Variants in CACNB2 observed in about 807,000 individuals in gnomAD.
CACNB2 encodes voltage-dependent L-type calcium channel subunit beta-2.
Under a neutral mutation model 73.3 loss-of-function variants are expected in CACNB2, and 42 were observed. That is an observed-to-expected ratio of 0.57 (90% confidence interval 0.45 to 0.74). CACNB2 has a LOEUF of 0.74. Among genes scored for constraint, CACNB2 ranks in the 30% least tolerant of loss-of-function variants. The pLI, the probability that CACNB2 is intolerant of heterozygous loss-of-function variation, is 0.00. For missense variants in CACNB2, 940 were observed against 853.0 expected, an observed-to-expected ratio of 1.10 and a Z score of -1.27; for synonymous variants, 348 against 310.3, an observed-to-expected ratio of 1.12 and a Z score of -1.28.
chr10:18,381,623 G>T (rs1291156568), intron 2 of CACNB2, among the ~76,000 whole-genome samples: 1 of 150,180 alleles, frequency 6.7e-6, no homozygotes, highest in African/African-American at 2.5e-5. Flanking sequence ...GGGAGGTGGA[G>T]GTTGCAGTGA....
At chr10:18,354,052 T>C (rs1440612389) in intron 2 of CACNB2, among the ~76,000 whole-genome samples, 1 of 152,184 alleles carries the variant, frequency 6.6e-6, no homozygotes, top group Non-Finnish European at 1.5e-5. Context: ...CAAAAAACTA[T>C]AGTAGGCCTT....
intron 1 of CACNB2, among the ~76,000 whole-genome samples, chr10:18,149,851 C>A (rs1332708825): frequency 2.0e-5 from 3 of 152,144 alleles, no homozygotes; most frequent in African/African-American, 7.2e-5. Flanking sequence ...TGAGTCCTTA[C>A]CATGTGTTAG....
intron 2 of CACNB2, among the ~76,000 whole-genome samples, chr10:18,325,730 C>T (rs2040565757): frequency 7.6e-6 from 1 of 131,990 alleles, no homozygotes; most frequent in African/African-American, 2.9e-5. Context: ...CTCTCTTTCC[C>T]TTTCCCCTTC....
In CACNB2 at chr10:18,214,183, G is replaced by A. The variant is rs1296529333; in HGVS notation, c.213+63208G>A. 1.0e-4 allele frequency among the ~76,000 whole-genome samples: 8 copies of A among 79,258 alleles called. 2 individuals carry two copies. Among genetic ancestry groups the A allele is most frequent in the African/African-American group, 2.4e-4 (8 of 33,994 alleles). 52.0% of individuals were successfully genotyped at this position (79,258 alleles called of 152,430 possible). On this transcript the variant is annotated intron_variant, in intron 2 of 13. Coordinates refer to ENST00000324631, the MANE Select transcript of CACNB2 (RefSeq NM_201596.3). ...AAGGGACCCAAGCTAAAGTTTCCACGACAGGGTTTCAAATTCATTTTTTAA... is the reference window on the plus strand; with the variant it reads ...AAGGGACCCAAGCTAAAGTTTCCACAACAGGGTTTCAAATTCATTTTTTAA...
At chr10:18,486,751 A>C (rs1362951617) in intron 3 of CACNB2, among the ~76,000 whole-genome samples, 2 of 152,198 alleles carry the variant, frequency 1.3e-5, no homozygotes, top group Non-Finnish European at 2.9e-5. Context: ...GGGCAGAAGC[A>C]TGGAGAAGGT....
chr10:18,141,071 A>G (rs1386459202), intron 1 of CACNB2: 1 of 1,547,928 alleles, frequency 6.5e-7, no homozygotes. Context: ...TCTGCTTCCG[A>G]AAAGCCAGTG....
At chr10:18,471,335 A>G (rs1309660405) in intron 3 of CACNB2, among the ~76,000 whole-genome samples, 1 of 152,128 alleles carries the variant, frequency 6.6e-6, no homozygotes, top group African/African-American at 2.4e-5. Flanking sequence ...AAAGGTATTG[A>G]ACAGAATTGA....
intron 3 of CACNB2, among the ~76,000 whole-genome samples, chr10:18,497,940 T>C (rs1289899761): frequency 1.3e-5 from 2 of 152,226 alleles, no homozygotes; most frequent in South Asian, 2.1e-4. Context: ...ATGTCTTTAA[T>C]GATTAATTAA....
At chr10:18,197,501 G>C (rs2034678449) in intron 2 of CACNB2, among the ~76,000 whole-genome samples, 1 of 152,138 alleles carries the variant, frequency 6.6e-6, no homozygotes, top group Non-Finnish European at 1.5e-5. Flanking sequence ...GATTCTCCTG[G>C]CTCTGTCCTC....
In CACNB2 at chr10:18,539,443, G is replaced by A. The variant is rs142639223; in HGVS notation, c.1702G>A (p.Val568Ile). Residue 568 changes from valine to isoleucine, a missense_variant, in exon 14 of 14, where the codon GTA becomes ATA. Physicochemically the swap from Val to Ile is conservative, Grantham distance 29. Coordinates refer to ENST00000324631, the MANE Select transcript of CACNB2 (RefSeq NM_201596.3). ...ETQESRDSAY[V>I]EPKEDYSHDH... ...CCAGGAGAGTCGAGACTCTGCCTACGTAGAGCCAAAGGAAGATTATTCCCA... is the reference window on the plus strand; with the variant it reads ...CCAGGAGAGTCGAGACTCTGCCTACATAGAGCCAAAGGAAGATTATTCCCA... 428 of 1,613,860 alleles carry A rather than the reference G, an allele frequency of 2.7e-4. No individual in the cohort carries two copies. The highest frequency in any genetic ancestry group is 5.7e-4 in the Admixed American group (34 of 59,968).
At chr10:18,367,654 A>T (rs552856395) in intron 2 of CACNB2, among the ~76,000 whole-genome samples, 1 of 152,322 alleles carries the variant, frequency 6.6e-6, no homozygotes, top group East Asian at 1.9e-4. Context: ...ACATAAAATT[A>T]TGTAAAAATT....
chr10:18,370,073 C>G (rs566073229), intron 2 of CACNB2, among the ~76,000 whole-genome samples: 3 of 152,224 alleles, frequency 2.0e-5, no homozygotes, highest in Admixed American at 2.0e-4. Context: ...CTGATAATGG[C>G]AATGTTTATA....
intron 2 of CACNB2, among the ~76,000 whole-genome samples, chr10:18,215,207 A>C (rs1452389715): frequency 6.6e-6 from 1 of 152,110 alleles, no homozygotes; most frequent in Non-Finnish European, 1.5e-5. Flanking sequence ...CAGTGTGTTT[A>C]TTTCACAAGT....
intron 2 of CACNB2, among the ~76,000 whole-genome samples, chr10:18,266,987 GTA>G (rs1376379348): frequency 2.0e-5 from 3 of 152,050 alleles, no homozygotes; most frequent in Admixed American, 1.3e-4. Context: ...ATGTATGTGT[GTA>G]TATATACTAT....
At position 18,487,896 on chromosome 10, in the gene CACNB2, C is replaced by T. The variant is rs887947366; in HGVS notation, c.334-10459C>T. Among the ~76,000 whole-genome samples, 62 of 151,332 alleles carry T rather than the reference C, an allele frequency of 4.1e-4. 1 individual carries two copies. The highest frequency in any genetic ancestry group is 5.3e-4 in the Admixed American group (8 of 15,204). On this transcript the variant is annotated intron_variant, in intron 3 of 13. Coordinates refer to ENST00000324631, the MANE Select transcript of CACNB2 (RefSeq NM_201596.3). ...CATGGTCTCATAGTTTATAAAATTC[C>T]ACACCAAGGACCCTGCACAGGAAAC...
intron 5 of CACNB2, among the ~76,000 whole-genome samples, chr10:18,502,342 A>G (rs568461070): frequency 1.7e-4 from 26 of 151,444 alleles, no homozygotes; most frequent in Admixed American, 1.4e-3. Context: ...CTTTTGCAGC[A>G]ACATGGATGG....
chr10:18,443,008 A>ATG (rs2046540556), intron 3 of CACNB2, among the ~76,000 whole-genome samples: 1 of 31,084 alleles, frequency 3.2e-5, no homozygotes, highest in Non-Finnish European at 5.7e-5. Flanking sequence ...GTGTATATAT[A>ATG]TATATGTATA....
chr10:18,170,503 T>C (rs1428115183), intron 2 of CACNB2, among the ~76,000 whole-genome samples: 3 of 152,194 alleles, frequency 2.0e-5, no homozygotes, highest in Non-Finnish European at 4.4e-5. Flanking sequence ...GGAATATACG[T>C]GTAAATATAC....
At chr10:18,390,556 A>G (rs2043424781) in intron 2 of CACNB2, among the ~76,000 whole-genome samples, 1 of 152,168 alleles carries the variant, frequency 6.6e-6, no homozygotes, top group Non-Finnish European at 1.5e-5. Context: ...AAGATATTCT[A>G]GAGTTTTATA....
Sources: gnomAD v4.1 joint callset for allele counts (sites outside exome capture counted in the v4.1 genomes callset) on GRCh38, gnomAD v4.1.1 for gene constraint, MANE v1.5 for transcripts, NCBI Gene and HGNC (gene_info 2026-07-23, HGNC 2026-07-21) for gene names.